Variants in MYLK observed in about 807,000 individuals in gnomAD.
MYLK encodes myosin light chain kinase, smooth muscle.
MYLK carries 106 observed loss-of-function variants against 203.4 expected under a neutral mutation model. That is an observed-to-expected ratio of 0.52 (90% CI 0.45 to 0.61). MYLK has a LOEUF of 0.61. MYLK is among the 20% of genes least tolerant of loss of function. The probability of loss-of-function intolerance (pLI) is 0.00; values close to 1 mark genes in which losing one functional copy is unlikely to be tolerated. For missense variants in MYLK, 2,072 were observed against 2,442.3 expected, an observed-to-expected ratio of 0.85 and a Z score of 3.20; for synonymous variants, 867 against 959.5, an observed-to-expected ratio of 0.90 and a Z score of 1.78.
rs147840022 is a variant in MYLK at position 123,739,993 on chromosome 3, C to A, written c.382G>T (p.Ala128Ser). The A allele has an allele frequency of 6.2e-7, 1 of 1,613,838 alleles. No homozygotes were observed. The highest frequency in any genetic ancestry group is 1.3e-5 in the African/African-American group (1 of 75,032). Residue 128 changes from alanine (A) to serine (S), a missense_variant, in exon 6 of 34, where the codon GCG becomes TCG. Coordinates refer to ENST00000360304, the MANE Select transcript of MYLK (RefSeq NM_053025.4). ...ACAACAGGCTGACCAAGCTGCTTCG[C>A]AAAACTTCCTGCAAGAAAAAGAGTT... ...TVELTVEGSF[A>S]KQLGQPVVSK...
At chr3:123,884,049 G>A (rs898144625) in intron 1 of MYLK, among the ~76,000 whole-genome samples, 157 bp downstream of exon 1, 5 of 152,014 alleles carry the variant, frequency 3.3e-5, no homozygotes, top group Admixed American at 6.6e-5. Flanking sequence ...GTCTCCTTAC[G>A]CCCCTGACTC....
chr3:123,712,229 G>A (rs573053678), intron 13 of MYLK, among the ~76,000 whole-genome samples: 1 of 152,232 alleles, frequency 6.6e-6, no homozygotes, highest in African/African-American at 2.4e-5. Context: ...GAAATGCATT[G>A]ATCTATCTCG....
intron 4 of MYLK, among the ~76,000 whole-genome samples, 181 bp downstream of exon 4, chr3:123,793,496 C>T (rs974432166): frequency 6.6e-6 from 1 of 152,196 alleles, no homozygotes; most frequent in Non-Finnish European, 1.5e-5. Flanking sequence ...TTCTCCAGCA[C>T]AGACCAAAGC....
chr3:123,842,476 G>A (rs999005878), intron 2 of MYLK, among the ~76,000 whole-genome samples: 1 of 152,066 alleles, frequency 6.6e-6, no homozygotes, highest in Non-Finnish European at 1.5e-5. Flanking sequence ...GGGCAAAAAA[G>A]CTTAATCTAA....
At chr3:123,864,769 G>A (rs2032204481) in intron 2 of MYLK, among the ~76,000 whole-genome samples, 1 of 152,142 alleles carries the variant, frequency 6.6e-6, no homozygotes, top group Admixed American at 6.6e-5. Flanking sequence ...GCCAGGCACG[G>A]TGGCATGTGC....
intron 3 of MYLK, among the ~76,000 whole-genome samples, chr3:123,822,742 G>T (rs1273101242): frequency 6.6e-6 from 1 of 152,174 alleles, no homozygotes; most frequent in African/African-American, 2.4e-5. Flanking sequence ...TCTACTCAGA[G>T]TTGGGATATC....
At chr3:123,720,252 C>A (rs540937026) in intron 13 of MYLK, among the ~76,000 whole-genome samples, 3 of 152,166 alleles carry the variant, frequency 2.0e-5, no homozygotes, top group African/African-American at 7.2e-5. Context: ...CCCCACAGGC[C>A]CGGGAGTCAG....
intron 2 of MYLK, among the ~76,000 whole-genome samples, chr3:123,844,316 G>C (rs2066660510): frequency 6.6e-6 from 1 of 152,150 alleles, no homozygotes; most frequent in African/African-American, 2.4e-5. Flanking sequence ...ATGGTGGCAT[G>C]TAGCCCTGGC....
At chr3:123,761,441 G>A (rs546047262) in intron 4 of MYLK, among the ~76,000 whole-genome samples, 8 of 152,290 alleles carry the variant, frequency 5.3e-5, no homozygotes, top group Admixed American at 2.0e-4. Context: ...TCTGAGGGAC[G>A]GAGTGGAGCA....
chr3:123,790,380 G>A (rs903978370), intron 4 of MYLK, among the ~76,000 whole-genome samples: 2 of 152,228 alleles, frequency 1.3e-5, no homozygotes. Context: ...ACAGGGCAAA[G>A]GCAAAGGGGC....
In MYLK at chr3:123,629,936, C is replaced by G. The variant is rs2058340890; in HGVS notation, c.4962-310G>C. 5.3e-6 allele frequency: 2 copies of G among 375,388 alleles called. No individual in the cohort carries two copies. The highest frequency in any genetic ancestry group is 2.1e-5 in the African/African-American group (1 of 48,358). 23.3% of individuals were successfully genotyped at this position (375,388 alleles called of 1,614,324 possible). A position where few individuals can be genotyped will look rare whatever the true frequency, so the allele number is the denominator to read the frequency against. On this transcript the variant is annotated intron_variant, in intron 29 of 33. Coordinates refer to ENST00000360304, the MANE Select transcript of MYLK (RefSeq NM_053025.4). This position sits in a 1 kb window ranked among gnomAD's most constrained non-coding sequence, Gnocchi z 4.4. ...TGATAAGTCCCTCTGTCCTGGTTTT[C>G]TATTATTCCCCAAAGCCCAGGCTAG... is the stretch of plus-strand genomic sequence containing the variant.
intron 13 of MYLK, among the ~76,000 whole-genome samples, chr3:123,716,795 G>A (rs1483220650): frequency 6.6e-6 from 1 of 152,162 alleles, no homozygotes; most frequent in Non-Finnish European, 1.5e-5. Flanking sequence ...CTGTAGAGGT[G>A]GAGAGTTATA....
At chr3:123,794,858 A>C (rs2064928669) in intron 3 of MYLK, among the ~76,000 whole-genome samples, 1 of 152,242 alleles carries the variant, frequency 6.6e-6, no homozygotes, top group African/African-American at 2.4e-5. Context: ...CACTGTATCA[A>C]GCACTTTTTA....
chr3:123,872,183 G>A (rs895384147), intron 2 of MYLK, among the ~76,000 whole-genome samples: 1 of 152,144 alleles, frequency 6.6e-6, no homozygotes, highest in African/African-American at 2.4e-5. Context: ...TGGCAGAGCT[G>A]AATCACTGAG....
At chr3:123,645,817 GAGAT>G (rs2058999004) in intron 27 of MYLK, among the ~76,000 whole-genome samples, 1 of 152,240 alleles carries the variant, frequency 6.6e-6, no homozygotes, top group African/African-American at 2.4e-5. Context: ...ACTAGGTAGT[GAGAT>G]GGGACTAACT....
intron 3 of MYLK, among the ~76,000 whole-genome samples, chr3:123,794,725 C>T (rs568283896): frequency 8.8e-4 from 134 of 152,210 alleles, no homozygotes; most frequent in African/African-American, 3.0e-3. Flanking sequence ...TTAGAGCGAT[C>T]GTCAACTCTT....
chr3:123,804,850 T>C (rs1425740220), intron 3 of MYLK, among the ~76,000 whole-genome samples: 1 of 152,114 alleles, frequency 6.6e-6, no homozygotes, highest in Non-Finnish European at 1.5e-5. Context: ...ACCTGACTGA[T>C]TGGAGGAGAG....
At chr3:123,619,552 T>C (rs1413742608) in intron 32 of MYLK, among the ~76,000 whole-genome samples, 1 of 152,200 alleles carries the variant, frequency 6.6e-6, no homozygotes, top group Non-Finnish European at 1.5e-5. Context: ...AGGGTGTCTC[T>C]GGCCAAATGA....
intron 19 of MYLK, among the ~76,000 whole-genome samples, chr3:123,690,698 G>A (rs2060627555): frequency 6.6e-6 from 1 of 152,152 alleles, no homozygotes; most frequent in Admixed American, 6.5e-5. Context: ...AGGGGGAAGA[G>A]GCCACCCTTA....
Sources: allele counts gnomAD v4.1 joint callset (sites outside exome capture counted in the v4.1 genomes callset), GRCh38; gene constraint gnomAD v4.1.1; non-coding constraint Gnocchi (gnomAD v3.1); transcripts MANE v1.5; gene names NCBI Gene and HGNC (gene_info 2026-07-23, HGNC 2026-07-21).